MDM4: variants seen among roughly 807,000 people sequenced by gnomAD.
The protein encoded by MDM4 is MDM4 regulator of p53, also known as protein Mdm4.
MDM4 carries 2 observed loss-of-function variants against 60.2 expected under a neutral mutation model. The ratio of observed to expected loss-of-function variants is 0.03; its 90% CI spans 0.01 to 0.10. The LOEUF (loss-of-function observed/expected upper bound fraction) is 0.10, where lower values mean the gene tolerates loss of function less well. MDM4 is among the 10% of genes least tolerant of loss of function. MDM4 has a pLI of 1.00. For synonymous variants in MDM4, 202 were observed against 198.1 expected (o/e 1.02, Z -0.17); for missense variants, 447 against 577.5 (o/e 0.77, Z 2.32).
intron 5 of MDM4, among the ~76,000 whole-genome samples, chr1:204,535,785 C>T (rs1391460029): frequency 6.6e-6 from 1 of 151,900 alleles, no homozygotes; most frequent in Admixed American, 6.6e-5. Context: ...AAGTGATCCA[C>T]ACACCTCGAC....
intron 3 of MDM4, chr1:204,528,834 G>A: frequency 1.3e-6 from 2 of 1,512,342 alleles, no homozygotes; most frequent in East Asian, 2.3e-5. Context: ...ACTCTCCACA[G>A]ATGGGTTGGG....
intron 5 of MDM4, among the ~76,000 whole-genome samples, chr1:204,535,976 C>T (rs1327120131): frequency 6.6e-6 from 1 of 152,014 alleles, no homozygotes; most frequent in South Asian, 2.1e-4. Flanking sequence ...TAAAGAATTG[C>T]TCCTGGCCTG....
At chr1:204,531,894 G>C (rs974993891) in intron 4 of MDM4, among the ~76,000 whole-genome samples, 1 of 152,044 alleles carries the variant, frequency 6.6e-6, no homozygotes, top group African/African-American at 2.4e-5. Flanking sequence ...TTCAGTCCTG[G>C]AAGGAAGGAA....
intron 5 of MDM4, among the ~76,000 whole-genome samples, chr1:204,535,542 A>G (rs946026145): frequency 6.7e-6 from 1 of 149,272 alleles, no homozygotes; most frequent in African/African-American, 2.5e-5. Flanking sequence ...GTGTGTGTTT[A>G]TTAATTTTTG....
rs762197216 is a variant in MDM4 at position 204,549,363 on chromosome 1, T to G, written c.1154T>G (p.Leu385Arg). The change falls in exon 11 of 11, where the codon CTT becomes CGT. Residue 385 changes from leucine to arginine, a missense_variant. Around this residue, in one of 8 missense-constraint regions of MDM4, gnomAD observed 117 missense variants for 114.5 expected, o/e 1.02. Coordinates refer to ENST00000367182, the MANE Select transcript of MDM4 (RefSeq NM_002393.5). ...TATATAAAGAAAGAAAACTCCAAAC[T>G]TTTTGATCCCTGCAACTCAGTGGAA... ...DAYIKKENSK[L>R]FDPCNSVEFL... is the part of the protein sequence containing the mutation. 56 of 1,614,004 alleles carry G rather than the reference T, an allele frequency of 3.5e-5. No individual in the cohort carries two copies. The highest frequency in any genetic ancestry group is 4.6e-5 in the Non-Finnish European group (54 of 1,180,018).
intron 7 of MDM4, among the ~76,000 whole-genome samples, chr1:204,538,869 C>CTTTTTT (rs34355422): frequency 2.5e-5 from 3 of 117,682 alleles, no homozygotes; most frequent in Non-Finnish European, 5.1e-5. Flanking sequence ...CCACGCCTGG[C>CTTTTTT]TTTTTTTTTT....
Position 204,532,222 on chromosome 1 carries a change from G to C in MDM4, c.319G>C (p.Val107Leu), listed in dbSNP as rs771482652. The change falls in exon 5 of 11, where the codon GTC (valine) becomes CTC (leucine). Residue 107 changes from valine (V) to leucine (L), a missense_variant. Physicochemically the swap from Val to Leu is conservative, Grantham distance 32. Around this residue, in one of 8 missense-constraint regions of MDM4, gnomAD observed 23 missense variants for 22.1 expected, o/e 1.04. Transcript: ENST00000367182. Reference protein sequence around the residue: ...PLYDMLRKNLVTLATATTDAA... With the variant: ...PLYDMLRKNLLTLATATTDAA... ...CTATGATATGCTAAGAAAGAATCTT[G>C]TCACTTTAGCCACTGCTACTACAGG... 1 of 1,604,656 alleles carries C rather than the reference G, an allele frequency of 6.2e-7. No individual in the cohort carries two copies. Among genetic ancestry groups the C allele is most frequent in the Non-Finnish European group, 8.5e-7 (1 of 1,172,298 alleles).
At position 204,553,635 on chromosome 1, in the gene MDM4, ATTT is replaced by A. The variant is rs1319579661; in HGVS notation, c.*3954_*3956del. 1.4e-4 allele frequency: 31 copies of A among 227,898 alleles called. 1 individual carries two copies. In the South Asian group the frequency reaches 2.6e-3, roughly 19 times the overall value. 14.1% of individuals were successfully genotyped at this position (227,898 alleles called of 1,614,324 possible). A position where few individuals can be genotyped will look rare whatever the true frequency, so the allele number is the denominator to read the frequency against. The stretch of plus-strand genomic sequence containing the variant: ...TTCTTGTTTTAGTTGTCAAATTAAT[ATTT>A]ATGATTGTTATCTTGGGCGAAAAGT... On this transcript the variant is annotated 3_prime_UTR_variant, in exon 11 of 11. Transcript: ENST00000367182.
chr1:204,552,721 T>G lies in MDM4; in HGVS notation c.*3039T>G, dbSNP rs1663311046. Reference sequence around the variant, plus strand: ...CACATCATTGCCCATGAAAGAATCCTCTTAGGCTGCTCAGCTTCACTCTTC... The same window carrying G: ...CACATCATTGCCCATGAAAGAATCCGCTTAGGCTGCTCAGCTTCACTCTTC... On this transcript the variant is annotated 3_prime_UTR_variant, in exon 11 of 11. Coordinates refer to ENST00000367182, the MANE Select transcript of MDM4 (RefSeq NM_002393.5). 5.5e-6 allele frequency: 1 copy of G among 183,380 alleles called. No individual in the cohort carries two copies. The highest frequency in any genetic ancestry group is 8.8e-5 in the East Asian group (1 of 11,302). 11.4% of individuals were successfully genotyped at this position (183,380 alleles called of 1,614,324 possible). A position where few individuals can be genotyped will look rare whatever the true frequency, so the allele number is the denominator to read the frequency against.
Position 204,529,055 on chromosome 1 carries a change from G to T in MDM4, c.154-1629G>T, listed in dbSNP as rs1027444821. 1.3e-5 allele frequency: 20 copies of T among 1,485,860 alleles called. No individual in the cohort carries two copies. The African/African-American group carries it at 2.6e-4, about 20-fold the overall frequency. 92.0% of individuals were successfully genotyped at this position (1,485,860 alleles called of 1,614,324 possible). ...GGGTGAACTGGGGGCTCAGGTTGTA[G>T]CCCATTTGGGACAGAGCTTGCTGCA... On this transcript the variant is annotated intron_variant, in intron 3 of 10. Transcript: ENST00000367182.
Position 204,545,985 on chromosome 1 carries a change from T to G in MDM4, c.823-812T>G, listed in dbSNP as rs1419940494. Among the ~76,000 whole-genome samples the G allele has an allele frequency of 2.0e-5, 3 of 152,222 alleles. No homozygotes were observed. In the East Asian group the frequency reaches 5.8e-4, roughly 29 times the overall value. On this transcript the variant is annotated intron_variant, in intron 9 of 10. Transcript: ENST00000367182. ...TTTTTAAATTCTAAATTTTAAAATT[T>G]AGAACACTCCTTACTTTTGAAACGG...
At chr1:204,545,852 G>A (rs1355306654) in intron 9 of MDM4, among the ~76,000 whole-genome samples, 3 of 152,044 alleles carry the variant, frequency 2.0e-5, no homozygotes, top group African/African-American at 7.2e-5. Context: ...GAGAGAGATG[G>A]GACTTAAAAT....
chr1:204,529,100 G>A, intron 3 of MDM4: 1 of 1,339,062 alleles, frequency 7.5e-7, no homozygotes, highest in Non-Finnish European at 1.1e-6. Flanking sequence ...AGCTAATGGA[G>A]CCTGAGTTGT....
Position 204,553,628 on chromosome 1 carries a change from A to G in MDM4, c.*3946A>G, listed in dbSNP as rs1009152110. 4.4e-6 allele frequency: 1 copy of G among 227,936 alleles called. No homozygotes were observed. The highest frequency in any genetic ancestry group is 6.3e-5 in the East Asian group (1 of 15,908). 14.1% of individuals were successfully genotyped at this position (227,936 alleles called of 1,614,324 possible). A position where few individuals can be genotyped will look rare whatever the true frequency, so the allele number is the denominator to read the frequency against. On this transcript the variant is annotated 3_prime_UTR_variant, in exon 11 of 11. Coordinates refer to ENST00000367182, the MANE Select transcript of MDM4 (RefSeq NM_002393.5). ...ATCAGATTTCTTGTTTTAGTTGTCA[A>G]ATTAATATTTATGATTGTTATCTTG...
chr1:204,538,085 G>T, intron 6 of MDM4, 124 bp from the exon 7 acceptor site: 1 of 767,866 alleles, frequency 1.3e-6, no homozygotes, highest in Non-Finnish European at 2.4e-6. Context: ...TTGTGAACTT[G>T]AGTTCTCTTT....
chr1:204,556,711 T>C lies in MDM4; in HGVS notation c.*7029T>C. 4.7e-6 allele frequency: 1 copy of C among 212,808 alleles called. No individual in the cohort carries two copies. The highest frequency in any genetic ancestry group is 9.5e-6 in the Non-Finnish European group (1 of 105,120). 13.2% of individuals were successfully genotyped at this position (212,808 alleles called of 1,614,324 possible). On this transcript the variant is annotated 3_prime_UTR_variant, in exon 11 of 11. Coordinates refer to ENST00000367182, the MANE Select transcript of MDM4 (RefSeq NM_002393.5). Reference sequence around the variant, plus strand: ...TGTCTCAAAGAAATTGAGGTCAGGCTTCCTTCTTACAGAATTATTTTTTTC... The same window carrying C: ...TGTCTCAAAGAAATTGAGGTCAGGCCTCCTTCTTACAGAATTATTTTTTTC...
intron 3 of MDM4, among the ~76,000 whole-genome samples, chr1:204,527,555 A>G (rs1475392306): frequency 6.6e-6 from 1 of 151,084 alleles, no homozygotes; most frequent in East Asian, 1.9e-4. Flanking sequence ...AGGCAGGAGA[A>G]TTTCTTGAAC....
At chr1:204,528,997 C>CA (rs1660554950) in intron 3 of MDM4, 2 of 1,531,608 alleles carry the variant, frequency 1.3e-6, no homozygotes, top group Admixed American at 1.7e-5. Flanking sequence ...GCAGGATTGA[C>CA]AGAGCGTGGG....
At chr1:204,532,719 T>C (rs372725259) in intron 5 of MDM4, 37 of 1,592,432 alleles carry the variant, frequency 2.3e-5, no homozygotes, top group Non-Finnish European at 6.0e-6. Context: ...GTGTCTTTAA[T>C]CTATAAAACT....
Sources: gnomAD v4.1 joint callset for allele counts (sites outside exome capture counted in the v4.1 genomes callset) on GRCh38, gnomAD v4.1.1 for gene constraint, gnomAD v4.1.1 regional missense constraint, MANE v1.5 for transcripts, NCBI Gene and HGNC (gene_info 2026-07-23, HGNC 2026-07-21) for gene names.